PDE7B: variants seen among roughly 807,000 people sequenced by gnomAD.
PDE7B encodes phosphodiesterase 7B.
A neutral mutation model predicts 56.2 loss-of-function variants in PDE7B; 29 were observed. The observed-to-expected ratio is 0.52, with a 90% CI of 0.38 to 0.70. The LOEUF is 0.70. PDE7B is among the 30% of genes least tolerant of loss of function. The probability of loss-of-function intolerance (pLI) is 0.00; values close to 1 mark genes in which losing one functional copy is unlikely to be tolerated. For missense variants in PDE7B, 490 were observed against 565.0 expected, an observed-to-expected ratio of 0.87 and a Z score of 1.35; for synonymous variants, 197 against 196.9, an observed-to-expected ratio of 1.00 and a Z score of 0.00.
intron 1 of PDE7B, among the ~76,000 whole-genome samples, chr6:135,893,021 C>A (rs1359600206): frequency 6.6e-6 from 1 of 152,000 alleles, no homozygotes; most frequent in African/African-American, 2.4e-5. Context: ...CTTGTTCTGT[C>A]TTCTTTTAGA....
intron 2 of PDE7B, among the ~76,000 whole-genome samples, chr6:136,018,653 C>G (rs923587101): frequency 2.6e-5 from 4 of 152,066 alleles, no homozygotes; most frequent in Non-Finnish European, 5.9e-5. Context: ...CTTAAATTAC[C>G]GTTAAGAGGT....
chr6:136,079,011 T>G (rs575651042), intron 2 of PDE7B, among the ~76,000 whole-genome samples: 2 of 152,310 alleles, frequency 1.3e-5, no homozygotes, highest in African/African-American at 2.4e-5. Context: ...CTCATACTGT[T>G]GTCCAACCTG....
intron 9 of PDE7B, among the ~76,000 whole-genome samples, chr6:136,176,148 T>C (rs1778973331): frequency 6.6e-6 from 1 of 152,074 alleles, no homozygotes; most frequent in South Asian, 2.1e-4. Context: ...TGTTATTCAT[T>C]TGTTAGAACT....
chr6:136,153,979 T>A, intron 6 of PDE7B, 96 bp from the exon 7 acceptor site: 2 of 745,688 alleles, frequency 2.7e-6, no homozygotes, highest in South Asian at 1.6e-5. Context: ...TTGGAGGCAC[T>A]GATATTTTTA....
intron 2 of PDE7B, among the ~76,000 whole-genome samples, chr6:136,054,435 T>C (rs376360055): frequency 1.1e-4 from 17 of 152,268 alleles, no homozygotes; most frequent in South Asian, 4.1e-4. Flanking sequence ...GGTACCAGTA[T>C]CATGCTGTTT....
chr6:135,886,449 T>C (rs1338664982), intron 1 of PDE7B, among the ~76,000 whole-genome samples: 1 of 152,138 alleles, frequency 6.6e-6, no homozygotes, highest in African/African-American at 2.4e-5. Context: ...AGTAGTGATT[T>C]CTAAGATTTT....
At chr6:135,916,542 G>A (rs976366413) in intron 1 of PDE7B, among the ~76,000 whole-genome samples, 10 of 151,416 alleles carry the variant, frequency 6.6e-5, no homozygotes, top group South Asian at 2.1e-4. Flanking sequence ...ACAGGTGACC[G>A]CCACCATGCC....
chr6:136,158,036 A>G (rs1023706270), intron 8 of PDE7B, among the ~76,000 whole-genome samples: 1 of 152,236 alleles, frequency 6.6e-6, no homozygotes, highest in Non-Finnish European at 1.5e-5. Flanking sequence ...GCATTAAGTT[A>G]TAGATGAGGA....
intron 2 of PDE7B, among the ~76,000 whole-genome samples, chr6:136,093,684 G>A (rs1397972478): frequency 6.6e-6 from 1 of 152,172 alleles, no homozygotes; most frequent in Non-Finnish European, 1.5e-5. Flanking sequence ...GCCATCTCTG[G>A]GAGCCATGAG....
At chr6:136,092,468 C>T (rs529538824) in intron 2 of PDE7B, among the ~76,000 whole-genome samples, 1 of 152,218 alleles carries the variant, frequency 6.6e-6, no homozygotes, top group African/African-American at 2.4e-5. Flanking sequence ...TTTTTAAAAA[C>T]TGAGAGTGAA....
chr6:136,075,563 C>A (rs1216912606), intron 2 of PDE7B, among the ~76,000 whole-genome samples: 1 of 152,150 alleles, frequency 6.6e-6, no homozygotes, highest in African/African-American at 2.4e-5. Context: ...TCTAATTTGC[C>A]CTGGCACTGC....
chr6:136,113,566 G>A (rs1777783446), intron 3 of PDE7B, among the ~76,000 whole-genome samples: 1 of 152,180 alleles, frequency 6.6e-6, no homozygotes, highest in African/African-American at 2.4e-5. Context: ...CCTAAGCATA[G>A]AGAGCCAGAA....
chr6:135,929,717 A>G (rs1774259490), intron 1 of PDE7B, among the ~76,000 whole-genome samples: 1 of 152,338 alleles, frequency 6.6e-6, no homozygotes, highest in South Asian at 2.1e-4. Flanking sequence ...AGGAAATTCC[A>G]TCTGTGTGAT....
intron 1 of PDE7B, among the ~76,000 whole-genome samples, chr6:135,908,529 A>G (rs1362850934): frequency 6.6e-6 from 1 of 152,212 alleles, no homozygotes; most frequent in Non-Finnish European, 1.5e-5. Flanking sequence ...AAAAATATTT[A>G]TAAGAATATG....
chr6:135,949,916 C>T (rs1258389239), intron 2 of PDE7B, among the ~76,000 whole-genome samples: 2 of 151,850 alleles, frequency 1.3e-5, no homozygotes, highest in Non-Finnish European at 2.9e-5. Context: ...AAAATTGTGC[C>T]CTTGAGGAGC....
At chr6:136,002,668 G>A (rs371628605) in intron 2 of PDE7B, among the ~76,000 whole-genome samples, 8 of 152,138 alleles carry the variant, frequency 5.3e-5, no homozygotes, top group East Asian at 3.8e-4. Context: ...AAATATATAT[G>A]CACCCAATAC....
At chr6:136,153,531 A>G (rs1470704509) in intron 6 of PDE7B, among the ~76,000 whole-genome samples, 1 of 152,210 alleles carries the variant, frequency 6.6e-6, no homozygotes, top group East Asian at 1.9e-4. Context: ...TAAGGTAGAA[A>G]TAAATCCAAG....
chr6:136,027,535 G>A (rs1311017101), intron 2 of PDE7B, among the ~76,000 whole-genome samples: 1 of 152,060 alleles, frequency 6.6e-6, no homozygotes, highest in African/African-American at 2.4e-5. Context: ...ATTTTTTAAA[G>A]TGTGAAGTAA....
chr6:136,082,666 G>A (rs1243927969), intron 2 of PDE7B, among the ~76,000 whole-genome samples: 1 of 152,126 alleles, frequency 6.6e-6, no homozygotes, highest in East Asian at 1.9e-4. Context: ...AGTCCCTTCT[G>A]TTTACTTACA....
Sources: allele counts gnomAD v4.1 joint callset (sites outside exome capture counted in the v4.1 genomes callset), GRCh38; gene constraint gnomAD v4.1.1; transcripts MANE v1.5; gene names NCBI Gene and HGNC (gene_info 2026-07-23, HGNC 2026-07-21).